The following ITGAM variants were observed in gnomAD, a reference collection of about 807,000 sequenced individuals.
ITGAM encodes the protein integrin subunit alpha M, also known as integrin alpha-M.
ITGAM carries 79 observed loss-of-function variants against 137.5 expected under a neutral mutation model. That is an observed-to-expected ratio of 0.57 (90% confidence interval 0.48 to 0.69). ITGAM has a LOEUF of 0.69. Among genes scored for constraint, ITGAM ranks in the 30% least tolerant of loss-of-function variants. The probability of loss-of-function intolerance (pLI) is 0.00; values close to 1 mark genes in which losing one functional copy is unlikely to be tolerated. For missense variants in ITGAM, 1,343 were observed against 1,483.5 expected (o/e 0.91, Z 1.56); for synonymous variants, 583 against 592.3 (o/e 0.98, Z 0.23).
chr16:31,276,162 C>A (rs892794503), intron 9 of ITGAM, among the ~76,000 whole-genome samples: 2 of 152,186 alleles, frequency 1.3e-5, no homozygotes, highest in Non-Finnish European at 2.9e-5. Context: ...ACCTTGAAGA[C>A]CGCATTCCCA....
Position 31,330,366 on chromosome 16 carries a change from A to G in ITGAM, c.3119A>G (p.Gln1040Arg). 1 of 1,614,020 alleles carries G rather than the reference A, an allele frequency of 6.2e-7. No homozygotes were observed. Among genetic ancestry groups the G allele is most frequent in the South Asian group, 1.1e-5 (1 of 91,090 alleles). ...IQCDIPFFGIQEEFNATLKGN... is the reference protein window; with the variant it reads ...IQCDIPFFGIREEFNATLKGN... ...TGTGACATCCCGTTCTTTGGCATCC[A>G]GGAAGAATTCAATGCTACCCTCAAA... Residue 1040 changes from glutamine (Q) to arginine (R), a missense_variant, in exon 27 of 30, where the codon CAG (glutamine) becomes CGG (arginine). By Grantham distance (43) the Gln-to-Arg change is conservative. Transcript: ENST00000544665.
intron 12 of ITGAM, among the ~76,000 whole-genome samples, chr16:31,282,921 C>A (rs2079985907): frequency 6.6e-6 from 1 of 152,092 alleles, no homozygotes; most frequent in Non-Finnish European, 1.5e-5. Context: ...CTGGTGGTGA[C>A]AAAATCTCTC....
intron 14 of ITGAM, among the ~76,000 whole-genome samples, chr16:31,318,029 G>A (rs1346548177): frequency 6.6e-6 from 1 of 152,106 alleles, no homozygotes; most frequent in East Asian, 1.9e-4. Context: ...GAATTTGCCT[G>A]AGAAGCCACC....
intron 12 of ITGAM, among the ~76,000 whole-genome samples, chr16:31,282,086 G>C (rs1299771062): frequency 6.6e-6 from 1 of 152,176 alleles, no homozygotes; most frequent in Non-Finnish European, 1.5e-5. Flanking sequence ...CCGAGAGACA[G>C]TTTGTTATAA....
At chr16:31,327,109 G>A in intron 22 of ITGAM, 174 bp downstream of exon 22, 2 of 649,152 alleles carry the variant, frequency 3.1e-6, no homozygotes, top group East Asian at 5.2e-5. Flanking sequence ...GTGCTGGTGG[G>A]ATGGTGGTGG....
In ITGAM at chr16:31,272,002, C is replaced by G. The variant is rs35472514; in HGVS notation, c.704+10C>G. 0.12 allele frequency: 187,863 copies of G among 1,613,676 alleles called. 11,924 individuals carry two copies. The highest frequency in any genetic ancestry group is 0.2 in the South Asian group (17,825 of 91,082). On this transcript the variant is annotated intron_variant, in intron 7 of 29. Transcript: ENST00000544665. ...GCATCCGCAAAGTGGTGTAAGCTTC[C>G]CCTTTTCCCTTAGGATGGAGGGAGG... is the stretch of plus-strand genomic sequence containing the variant.
chr16:31,325,872 C>A (rs868218167), intron 21 of ITGAM, among the ~76,000 whole-genome samples: 1 of 151,970 alleles, frequency 6.6e-6, no homozygotes, highest in African/African-American at 2.4e-5. Flanking sequence ...TTGAAACCAG[C>A]CTGGGTGACA....
chr16:31,327,930 A>T, intron 22 of ITGAM: 1 of 561,500 alleles, frequency 1.8e-6, no homozygotes, highest in Non-Finnish European at 3.2e-6. Context: ...GCAGGTGTGA[A>T]TTCAGGGGAC....
intron 7 of ITGAM, among the ~76,000 whole-genome samples, chr16:31,272,847 C>T (rs1168895357): frequency 4.0e-5 from 6 of 151,798 alleles, no homozygotes; most frequent in Non-Finnish European, 8.8e-5. Flanking sequence ...AGTATAAAAA[C>T]AAAAACCGTG....
Position 31,260,073 on chromosome 16 carries a change from C to A in ITGAM, c.9C>A (p.Leu3=). ...TCTGGCTCCTTCCAGCCATGGCTCT[C>A]AGAGTCCTTCTGTTAACAGGTGCAT... MA[L]RVLLLTALTL... The change falls in exon 1 of 30, where the codon CTC becomes CTA. Residue 3 remains leucine (L), a synonymous_variant. Coordinates refer to ENST00000544665, the MANE Select transcript of ITGAM (RefSeq NM_000632.4). 1 of 1,573,858 alleles carries A rather than the reference C, an allele frequency of 6.4e-7. No individual in the cohort carries two copies. The highest frequency in any genetic ancestry group is 1.9e-5 in the Admixed American group (1 of 53,930).
intron 27 of ITGAM, 34 bp downstream of exon 27, chr16:31,330,455 G>A: frequency 1.2e-6 from 2 of 1,610,024 alleles, no homozygotes; most frequent in Non-Finnish European, 1.7e-6. Flanking sequence ...CCGGGCACAG[G>A]CGTGGTGCTC....
chr16:31,295,775 G>A (rs908646262), intron 12 of ITGAM, among the ~76,000 whole-genome samples: 4 of 151,960 alleles, frequency 2.6e-5, no homozygotes, highest in African/African-American at 9.7e-5. Flanking sequence ...AGTAGTGAGA[G>A]TGAGCATTCT....
intron 14 of ITGAM, among the ~76,000 whole-genome samples, chr16:31,320,101 G>A (rs1487429430): frequency 6.6e-6 from 1 of 152,060 alleles, no homozygotes; most frequent in Admixed American, 6.6e-5. Flanking sequence ...TGTAAGCCAC[G>A]TGAGCCACCG....
chr16:31,275,452 A>G, intron 8 of ITGAM, 97 bp from the exon 9 acceptor site: 1 of 1,301,196 alleles, frequency 7.7e-7, no homozygotes, highest in Non-Finnish European at 1.1e-6. Context: ...TCCTCACTTG[A>G]TAAATAATGG....
intron 2 of ITGAM, among the ~76,000 whole-genome samples, chr16:31,264,234 G>A (rs1440927598): frequency 6.6e-6 from 1 of 151,984 alleles, no homozygotes; most frequent in Non-Finnish European, 1.5e-5. Context: ...GTCGCTGGAA[G>A]CCAGGAGTTC....
chr16:31,297,117 C>T (rs967422829), intron 12 of ITGAM, among the ~76,000 whole-genome samples: 2 of 152,160 alleles, frequency 1.3e-5, no homozygotes, highest in African/African-American at 4.8e-5. Context: ...TCCTCACTCA[C>T]TGCCCATTGA....
intron 4 of ITGAM, 38 bp downstream of exon 4, chr16:31,265,919 G>A (rs923223641): frequency 5.0e-6 from 8 of 1,606,636 alleles, no homozygotes; most frequent in Admixed American, 1.7e-5. Context: ...CCTAATGGGG[G>A]TGTTTGGGGG....
chr16:31,278,008 C>G lies in ITGAM; in HGVS notation c.1255C>G (p.Leu419Val), dbSNP rs1367811894. The G allele has an allele frequency of 9.3e-6, 15 of 1,604,872 alleles. No homozygotes were observed. The highest frequency in any genetic ancestry group is 1.3e-5 in the Non-Finnish European group (15 of 1,175,792). The change falls in exon 12 of 30, where the codon CTG becomes GTG. Residue 419 changes from leucine to valine, a missense_variant. Leu to Val is a conservative substitution (Grantham distance 32). Coordinates refer to ENST00000544665, the MANE Select transcript of ITGAM (RefSeq NM_000632.4). ...AIILRNRVQSLVLGAPRYQHI... is the reference protein window; with the variant it reads ...AIILRNRVQSVVLGAPRYQHI... ...CATCTTACGGAACCGGGTGCAAAGC[C>G]TGGTTCTGGGGGCACCTCGATATCA...
intron 12 of ITGAM, among the ~76,000 whole-genome samples, chr16:31,278,378 GATAGCCATGTTAGTTA>G (rs1437271543): frequency 6.6e-6 from 1 of 152,088 alleles, no homozygotes; most frequent in African/African-American, 2.4e-5. Context: ...ATATAACCAG[GATAGCCATGTTAGTTA>G]ATAAAATATT....
Sources: gnomAD v4.1 joint callset for allele counts (sites outside exome capture counted in the v4.1 genomes callset) on GRCh38, gnomAD v4.1.1 for gene constraint, MANE v1.5 for transcripts, NCBI Gene and HGNC (gene_info 2026-07-23, HGNC 2026-07-21) for gene names.